Variants in DNAH1 observed in about 807,000 individuals in gnomAD.
DNAH1 encodes dynein axonemal heavy chain 1, also known as axonemal beta dynein heavy chain 1.
DNAH1 carries 327 observed loss-of-function variants against 484.3 expected under a neutral mutation model. The observed-to-expected ratio is 0.68, with a 90% CI of 0.62 to 0.74. The LOEUF (loss-of-function observed/expected upper bound fraction) is 0.74, where lower values mean the gene tolerates loss of function less well. DNAH1 is among the 30% of genes least tolerant of loss of function. DNAH1 has a pLI of 0.00. For missense variants in DNAH1, 5,052 were observed against 5,546.8 expected (o/e 0.91, Z 2.83); for synonymous variants, 2,192 against 2,191.9 (o/e 1.00, Z 0.00).
chr3:52,346,776 GC>G lies in DNAH1; in HGVS notation c.1955+9del. 1 of 1,600,170 alleles carries G rather than the reference GC, an allele frequency of 6.2e-7. No individual in the cohort carries two copies. Among genetic ancestry groups the G allele is most frequent in the South Asian group, 1.1e-5 (1 of 90,424 alleles). On this transcript the variant is annotated splice_region_variant and intron_variant, in intron 11 of 77. Coordinates refer to ENST00000420323, the MANE Select transcript of DNAH1 (RefSeq NM_015512.5). ...TTAATTAACAGCCCCTACAGGTGGG[GC>G]CCGGCGGGGCGGAGGCACCTGTTGA... is the stretch of plus-strand genomic sequence containing the variant.
chr3:52,328,604 CCTTGT>C (rs1183561261), intron 6 of DNAH1, among the ~76,000 whole-genome samples: 1 of 152,266 alleles, frequency 6.6e-6, no homozygotes, highest in Non-Finnish European at 1.5e-5. Context: ...CACAGGTTTG[CCTTGT>C]CTTGGCCTTG....
At chr3:52,374,544 C>CG in intron 44 of DNAH1, 1 of 1,497,510 alleles carries the variant, frequency 6.7e-7, no homozygotes, top group Non-Finnish European at 9.3e-7. Context: ...GCCCCTCTTC[C>CG]GGCAGTTGGC....
Position 52,354,938 on chromosome 3 carries a change from G to A in DNAH1, c.3576G>A (p.Glu1192=), listed in dbSNP as rs747821924. ...TDTYILKSPD[E]ASQLLDDHIV... Reference sequence around the variant, plus strand: ...CCTACATCCTGAAGAGCCCGGACGAGGCCTCACAGCTGCTGGACGACCACA... The same window carrying A: ...CCTACATCCTGAAGAGCCCGGACGAAGCCTCACAGCTGCTGGACGACCACA... The change falls in exon 21 of 78, where the codon GAG becomes GAA. Residue 1192 remains glutamate (E), a synonymous_variant. Transcript: ENST00000420323. The A allele has an allele frequency of 6.2e-7, 1 of 1,614,030 alleles. No individual in the cohort carries two copies.
rs2153224680 is a variant in DNAH1, at chr3:52,369,940, A to T, written c.6059A>T (p.Glu2020Val). The T allele has an allele frequency of 2.5e-6, 4 of 1,613,926 alleles. No individual in the cohort carries two copies. Among genetic ancestry groups the T allele is most frequent in the East Asian group, 2.2e-5 (1 of 44,884 alleles). Residue 2020 changes from glutamate to valine, a missense_variant, in exon 38 of 78, where the codon GAG (glutamate) becomes GTG (valine). By Grantham distance (121) the Glu-to-Val change is moderately radical. Coordinates refer to ENST00000420323, the MANE Select transcript of DNAH1 (RefSeq NM_015512.5). ...ATCCTGGGGCTCATGCCCTTCATCG[A>T]GTGCTGGCTGAGGAAGCTGCCTCCC... The part of the protein sequence containing the change: ...PSILGLMPFI[E>V]CWLRKLPPLL...
At chr3:52,372,518 C>T (rs574428816) in intron 43 of DNAH1, 131 bp downstream of exon 43, 10 of 1,275,234 alleles carry the variant, frequency 7.8e-6, no homozygotes, top group Admixed American at 2.2e-5. Context: ...TGACAGCCCC[C>T]CAATGGGCCC....
At chr3:52,340,465 T>C (rs1033879221) in intron 8 of DNAH1, among the ~76,000 whole-genome samples, 5 of 151,848 alleles carry the variant, frequency 3.3e-5, no homozygotes, top group African/African-American at 7.3e-5. Context: ...GATGAAGTCT[T>C]GCTCTGTCAC....
intron 60 of DNAH1, among the ~76,000 whole-genome samples, chr3:52,390,243 T>C (rs1704313801): frequency 6.6e-6 from 1 of 152,166 alleles, no homozygotes; most frequent in Admixed American, 6.5e-5. Flanking sequence ...GGCAAGTGGA[T>C]TGCTTGAGCC....
intron 6 of DNAH1, among the ~76,000 whole-genome samples, chr3:52,329,916 T>G (rs971919709): frequency 3.9e-5 from 6 of 152,106 alleles, no homozygotes; most frequent in Non-Finnish European, 5.9e-5. Flanking sequence ...TTAAATAATT[T>G]TTGTGCCTCA....
Position 52,358,129 on chromosome 3 carries a change from A to T in DNAH1, c.4086+126A>T. On this transcript the variant is annotated intron_variant, in intron 24 of 77. Transcript: ENST00000420323. This position sits in a 1 kb window ranked among gnomAD's most constrained non-coding sequence, Gnocchi z 4.2. ...CAAATGACATTCCTGGTCTTTGGAG[A>T]CACACCTGGGGCCTGTGGGAGGAAG... 1.3e-6 allele frequency: 1 copy of T among 782,944 alleles called. No individual in the cohort carries two copies. Among genetic ancestry groups the T allele is most frequent in the Non-Finnish European group, 2.0e-6 (1 of 504,082 alleles). 48.5% of individuals were successfully genotyped at this position (782,944 alleles called of 1,614,324 possible).
At chr3:52,357,780 A>C (rs1362364990) in intron 23 of DNAH1, 45 bp downstream of exon 23, 1 of 1,572,916 alleles carries the variant, frequency 6.4e-7, no homozygotes, top group African/African-American at 1.4e-5. Flanking sequence ...GTCTGCCCAC[A>C]AGGCTGAGGT....
chr3:52,394,550 G>A lies in DNAH1; in HGVS notation c.10712G>A (p.Trp3571Ter). The change falls in exon 67 of 78, where the codon TGG becomes TAG. Residue 3571 changes from tryptophan (W) to a stop codon, truncating the protein, a stop_gained. Transcript: ENST00000420323. LOFTEE classifies it high-confidence loss of function. ...PAPDWLSDRA[W>*]RDILALSNLP... ...CCGGACTGGCTGTCAGACCGGGCTT[G>A]GCGAGACATCCTAGCACTCTCGAAC... 6.2e-7 allele frequency: 1 copy of A among 1,613,970 alleles called. No individual in the cohort carries two copies. The highest frequency in any genetic ancestry group is 8.5e-7 in the Non-Finnish European group (1 of 1,179,858).
At position 52,322,269 on chromosome 3, in the gene DNAH1, C is replaced by T. The variant is rs957698515; in HGVS notation, c.-34-140C>T. 22 of 611,608 alleles carry T rather than the reference C, an allele frequency of 3.6e-5. No individual in the cohort carries two copies. The African/African-American group carries it at 3.9e-4, about 11-fold the overall frequency. 37.9% of individuals were successfully genotyped at this position (611,608 alleles called of 1,614,324 possible). A position where few individuals can be genotyped will look rare whatever the true frequency, so the allele number is the denominator to read the frequency against. ...TATGCCTGTCCAGATTAGGAGGAGA[C>T]CACTCCCTCCTTCTTGCTCTTCTGT... is the stretch of plus-strand genomic sequence containing the variant. On this transcript the variant is annotated intron_variant, in intron 1 of 77. Transcript: ENST00000420323.
In DNAH1 at chr3:52,383,492, G is replaced by A. The variant is rs77451372; in HGVS notation, c.8048G>A (p.Arg2683Gln). 113 of 1,613,920 alleles carry A rather than the reference G, an allele frequency of 7.0e-5. No individual in the cohort carries two copies. In the African/African-American group the frequency reaches 1.2e-3, roughly 17 times the overall value. The stretch of plus-strand genomic sequence containing the variant: ...CAGGACCAGATCGTCAGCACCATGC[G>A]GCCCTATATCCAGGAGCAGGGCCTA... ...DEQDQIVSTMRPYIQEQGLQP... is the reference protein window; with the variant it reads ...DEQDQIVSTMQPYIQEQGLQP... The change falls in exon 51 of 78, where the codon CGG (arginine) becomes CAG (glutamine). Residue 2683 changes from arginine (R) to glutamine (Q), a missense_variant. Transcript: ENST00000420323.
At chr3:52,373,584 A>G in intron 44 of DNAH1, 1 of 1,474,204 alleles carries the variant, frequency 6.8e-7, no homozygotes, top group Non-Finnish European at 9.5e-7. Flanking sequence ...GAAGAAAGAC[A>G]AACAGCAAAA....
At chr3:52,385,113 CT>C (rs1268183986) in intron 53 of DNAH1, 136 bp downstream of exon 53, 3 of 1,188,542 alleles carry the variant, frequency 2.5e-6, no homozygotes, top group South Asian at 1.6e-5. Context: ...GGCTTCCCCC[CT>C]CATCAAAAGA....
chr3:52,383,304 C>T (rs1703940176), intron 50 of DNAH1, 82 bp from the exon 51 acceptor site: 11 of 1,247,436 alleles, frequency 8.8e-6, no homozygotes, highest in Non-Finnish European at 1.3e-5. Context: ...TCAAATGGAG[C>T]TGTTGTGAAG....
intron 55 of DNAH1, 57 bp from the exon 56 acceptor site, chr3:52,386,605 C>A: frequency 6.7e-7 from 1 of 1,482,470 alleles, no homozygotes; most frequent in South Asian, 1.4e-5. Context: ...GGCAGGGTCC[C>A]TGCCGAGGGG....
Position 52,352,569 on chromosome 3 carries a change from C to T in DNAH1, c.2889C>T (p.Phe963=), listed in dbSNP as rs761342029. The T allele has an allele frequency of 2.1e-5, 34 of 1,610,056 alleles. No individual in the cohort carries two copies. The African/African-American group carries it at 4.3e-4, about 20-fold the overall frequency. ...GCCTGCAGCTGGTAGTAGCTGGCTT[C>T]TCCATCCATGTGGAGATTTCACGTG... ...LEGLQLVVAG[F]SIHVEISRAH... Residue 963 remains phenylalanine, a synonymous_variant, in exon 18 of 78, where the codon TTC becomes TTT. Transcript: ENST00000420323.
At position 52,381,375 on chromosome 3, in the gene DNAH1, A is replaced by G. The variant is rs1048236568; in HGVS notation, c.7609-265A>G. Among the ~76,000 whole-genome samples, 2 of 152,186 alleles carry G rather than the reference A, an allele frequency of 1.3e-5. No homozygotes were observed. Among genetic ancestry groups the G allele is most frequent in the Admixed American group, 6.5e-5 (1 of 15,282 alleles). On this transcript the variant is annotated intron_variant, in intron 48 of 77. Transcript: ENST00000420323. This position sits in a 1 kb window ranked among gnomAD's most constrained non-coding sequence, Gnocchi z 4.1. ...TGATCCTCCCGCCTTGGCTTCCCAC[A>G]GTGCTGGGATTACAGGCGTGAGCCA...
Sources: gnomAD v4.1 joint callset for allele counts (sites outside exome capture counted in the v4.1 genomes callset) on GRCh38, gnomAD v4.1.1 for gene constraint, Gnocchi (gnomAD v3.1) non-coding constraint, MANE v1.5 for transcripts, NCBI Gene and HGNC (gene_info 2026-07-23, HGNC 2026-07-21) for gene names.